SYNE1: variants seen among roughly 807,000 people sequenced by gnomAD.
The protein encoded by SYNE1 is spectrin repeat containing nuclear envelope protein 1.
In SYNE1, 616 loss-of-function variants were observed where a neutral mutation model predicts 1,111.0. The ratio of observed to expected loss-of-function variants is 0.55; its 90% confidence interval spans 0.52 to 0.59. The LOEUF is 0.59. Among genes scored for constraint, SYNE1 ranks in the 20% least tolerant of loss-of-function variants. The pLI is 0.00. For synonymous variants in SYNE1, 3,855 were observed against 3,825.8 expected (o/e 1.01, Z -0.28); for missense variants, 10,006 against 10,417.0 (o/e 0.96, Z 1.72).
chr6:152,189,960 C>T (rs1292392818), intron 127 of SYNE1, among the ~76,000 whole-genome samples: 1 of 152,198 alleles, frequency 6.6e-6, no homozygotes, highest in Non-Finnish European at 1.5e-5. Context: ...TGTTTGAGAG[C>T]ATTGTACTCA....
chr6:152,577,607 T>TGG (rs1425761812), intron 3 of SYNE1, among the ~76,000 whole-genome samples: 1 of 152,028 alleles, frequency 6.6e-6, no homozygotes, highest in Non-Finnish European at 1.5e-5. Flanking sequence ...CACTCCAGCC[T>TGG]GGGGGACAGA....
chr6:152,262,074 C>A lies in SYNE1; in HGVS notation c.18930G>T (p.Gln6310His), dbSNP rs759556319. 2.5e-5 allele frequency: 40 copies of A among 1,613,634 alleles called. No individual in the cohort carries two copies. The Admixed American group carries it at 6.0e-4, about 24-fold the overall frequency. ...GTTCCAGAACATTCTGTAGTAGTTTCTGCTTGGTACTAAATTCTTGATGTA... is the reference window on the plus strand; with the variant it reads ...GTTCCAGAACATTCTGTAGTAGTTTATGCTTGGTACTAAATTCTTGATGTA... Reference protein sequence around the residue: ...ESLHQEFSTKQKLLQNVLEQE... With the variant: ...ESLHQEFSTKHKLLQNVLEQE... The change falls in exon 101 of 146, where the codon CAG (glutamine) becomes CAT (histidine). Residue 6310 changes from glutamine to histidine, a missense_variant. This residue lies in a region of SYNE1 where 2,182 missense variants were observed against 2,287.8 expected (regional missense o/e 0.95). Transcript: ENST00000367255.
chr6:152,255,448 T>C, intron 103 of SYNE1, 143 bp downstream of exon 103: 1 of 1,004,668 alleles, frequency 1.0e-6, no homozygotes. Context: ...GAACTATAAA[T>C]ATTCTGCATT....
chr6:152,380,929 T>A (rs2097402424), intron 56 of SYNE1, 77 bp downstream of exon 56: 1 of 1,455,138 alleles, frequency 6.9e-7, no homozygotes, highest in Admixed American at 1.7e-5. Flanking sequence ...TTAGCAAGAT[T>A]TTTTTTTTAA....
chr6:152,168,827 T>C (rs1232144940), intron 130 of SYNE1, among the ~76,000 whole-genome samples: 2 of 152,152 alleles, frequency 1.3e-5, no homozygotes, highest in Admixed American at 6.5e-5. Context: ...CCCTTACATA[T>C]GCAAAACTTT....
At chr6:152,252,205 G>A (rs960375463) in intron 104 of SYNE1, among the ~76,000 whole-genome samples, 1 of 152,138 alleles carries the variant, frequency 6.6e-6, no homozygotes, top group African/African-American at 2.4e-5. Context: ...ACGGGAGGCA[G>A]AGGTTGCAGT....
At chr6:152,357,941 C>T (rs1277657747) in intron 66 of SYNE1, among the ~76,000 whole-genome samples, 1 of 152,112 alleles carries the variant, frequency 6.6e-6, no homozygotes, top group Non-Finnish European at 1.5e-5. Flanking sequence ...CGAACCGGTA[C>T]CATCAGCAAT....
intron 40 of SYNE1, 146 bp from the exon 41 acceptor site, chr6:152,417,161 A>G (rs2098167414): frequency 7.9e-7 from 1 of 1,266,390 alleles, no homozygotes; most frequent in East Asian, 2.5e-5. Context: ...ATCTTAGAAA[A>G]TTCACAAAAT....
chr6:152,585,124 G>T (rs920283620), intron 3 of SYNE1, among the ~76,000 whole-genome samples: 14 of 151,674 alleles, frequency 9.2e-5, no homozygotes, highest in Non-Finnish European at 8.8e-5. Flanking sequence ...TTTATGAGGG[G>T]CTTTTCCCCT....
chr6:152,608,849 C>T (rs1379668480), intron 3 of SYNE1, among the ~76,000 whole-genome samples: 2 of 152,142 alleles, frequency 1.3e-5, no homozygotes, highest in East Asian at 1.9e-4. Flanking sequence ...AGGAGAATCA[C>T]TTGAACCCAG....
chr6:152,390,500 T>C (rs1449985566), intron 52 of SYNE1, 48 bp from the exon 53 acceptor site: 2 of 1,591,884 alleles, frequency 1.3e-6, no homozygotes, highest in Non-Finnish European at 1.7e-6. Context: ...AAAAACCTTC[T>C]TCTATTTTAA....
chr6:152,342,960 G>A (rs73626633), intron 74 of SYNE1, among the ~76,000 whole-genome samples: 4,997 of 151,954 alleles, frequency 0.033, 265 homozygotes, highest in African/African-American at 0.11. Flanking sequence ...TATAAATCAC[G>A]TTTATCTGTA....
At chr6:152,127,050 A>G (rs2053707987) in intron 145 of SYNE1, 2 of 152,140 alleles carry the variant, frequency 1.3e-5, no homozygotes, top group Admixed American at 1.3e-4. Context: ...TTTCCTGGAT[A>G]TATGGTTCAG....
At chr6:152,206,061 T>C (rs2076445863) in intron 126 of SYNE1, 107 bp downstream of exon 126, 7 of 1,087,556 alleles carry the variant, frequency 6.4e-6, no homozygotes, top group African/African-American at 6.2e-5. Context: ...TACTGCAGGG[T>C]ATTATTTCAT....
At chr6:152,378,503 TC>T (rs2097336012) in intron 56 of SYNE1, among the ~76,000 whole-genome samples, 1 of 152,212 alleles carries the variant, frequency 6.6e-6, no homozygotes, top group Non-Finnish European at 1.5e-5. Context: ...GCTCCTTTCA[TC>T]ATTCCCCTCT....
chr6:152,395,460 C>A (rs879858920), intron 51 of SYNE1, 56 bp downstream of exon 51: 1 of 1,572,460 alleles, frequency 6.4e-7, no homozygotes, highest in South Asian at 1.2e-5. Flanking sequence ...ACCAACCAAC[C>A]AACTAGTCTA....
chr6:152,330,136 G>A lies in SYNE1; in HGVS notation c.14549C>T (p.Ala4850Val). The A allele has an allele frequency of 4.3e-6, 7 of 1,614,204 alleles. No individual in the cohort carries two copies. Among genetic ancestry groups the A allele is most frequent in the Non-Finnish European group, 5.9e-6 (7 of 1,180,028 alleles). Residue 4850 changes from alanine to valine, a missense_variant, in exon 78 of 146, where the codon GCT becomes GTT. By Grantham distance (64) the Ala-to-Val change is moderately conservative (BLOSUM62 0). Around this residue, in one of 7 missense-constraint regions of SYNE1, gnomAD observed 4,955 missense variants for 5,017.2 expected, o/e 0.99. Transcript: ENST00000367255. ...EDLAPHLDPL[A>V]YEKARHQIQS... ...GATCTGATGCCTGGCTTTCTCATAA[G>A]CCAAGGGGTCAAGGTGTGGGGCAAG...
At chr6:152,336,633 C>A in intron 76 of SYNE1, 1 of 649,094 alleles carries the variant, frequency 1.5e-6, no homozygotes, top group Non-Finnish European at 2.7e-6. Flanking sequence ...TGCTTGCTCG[C>A]CTCCCACTGT....
intron 45 of SYNE1, among the ~76,000 whole-genome samples, chr6:152,406,782 C>T (rs1039408030): frequency 5.9e-5 from 9 of 151,926 alleles, no homozygotes; most frequent in African/African-American, 1.7e-4. Context: ...GCAGGAGAAT[C>T]GCTTGAACCC....
Sources: allele counts gnomAD v4.1 joint callset (sites outside exome capture counted in the v4.1 genomes callset), GRCh38; gene constraint gnomAD v4.1.1; regional missense constraint gnomAD v4.1.1; transcripts MANE v1.5; gene names NCBI Gene and HGNC (gene_info 2026-07-23, HGNC 2026-07-21).